The following DACH1 variants were observed in gnomAD, a reference collection of about 807,000 sequenced individuals.
DACH1 encodes dachshund family transcription factor 1.
Under a neutral mutation model 54.2 loss-of-function variants are expected in DACH1, and 12 were observed. That is an observed-to-expected ratio of 0.22 (90% CI 0.14 to 0.36). The LOEUF is 0.36. DACH1 is among the 10% of genes least tolerant of loss of function. The probability of loss-of-function intolerance (pLI) is 1.00; values close to 1 mark genes in which losing one functional copy is unlikely to be tolerated. For missense variants in DACH1, 805 were observed against 929.8 expected (o/e 0.87, Z 1.75); for synonymous variants, 386 against 366.2 (o/e 1.05, Z -0.62).
chr13:71,866,920 G>T lies in DACH1; in HGVS notation c.-151C>A. The T allele has an allele frequency of 1.8e-6, 1 of 551,590 alleles. No individual in the cohort carries two copies. The highest frequency in any genetic ancestry group is 2.7e-6 in the Non-Finnish European group (1 of 371,174). The allele number at this position is 551,590 out of a possible 1,614,324, so 34.2% of individuals were successfully genotyped here. On this transcript the variant is annotated 5_prime_UTR_variant, in exon 1 of 11. Coordinates refer to ENST00000613252, the MANE Select transcript of DACH1 (RefSeq NM_080759.6). ...ACGAGAAGGAGAAAGGGAGAGAAGG[G>T]GGAGAAAAGGAGGTGAAGGTAATAA...
chr13:71,730,368 C>T (rs952828173), intron 1 of DACH1, among the ~76,000 whole-genome samples: 1 of 151,952 alleles, frequency 6.6e-6, no homozygotes, highest in Non-Finnish European at 1.5e-5. Context: ...ATTTCTTTTT[C>T]CTAGATTAAA....
chr13:71,515,061 C>T (rs1881058531), intron 6 of DACH1, among the ~76,000 whole-genome samples: 1 of 151,774 alleles, frequency 6.6e-6, no homozygotes, highest in South Asian at 2.1e-4. Context: ...CACACTTTGC[C>T]TACCTTTCCT....
chr13:71,602,221 T>C (rs533707448), intron 3 of DACH1, among the ~76,000 whole-genome samples: 1 of 152,186 alleles, frequency 6.6e-6, no homozygotes, highest in East Asian at 1.9e-4. Context: ...AAATTTTATT[T>C]TGTGTATCCA....
rs909990004 is a variant in DACH1 at position 71,438,271 on chromosome 13, G to C, written c.*2384C>G. ...AGGGCTTGCATAGAGCGCAAATGTG[G>C]TTATAATATAGAACAACTAGACATT... On this transcript the variant is annotated 3_prime_UTR_variant, in exon 11 of 11. Coordinates refer to ENST00000613252, the MANE Select transcript of DACH1 (RefSeq NM_080759.6). The C allele has an allele frequency of 6.6e-6, 1 of 152,276 alleles. No individual in the cohort carries two copies. Among genetic ancestry groups the C allele is most frequent in the East Asian group, 1.9e-4 (1 of 5,192 alleles). 9.4% of individuals were successfully genotyped at this position (152,276 alleles called of 1,614,324 possible).
At chr13:71,562,903 G>C (rs1884677982) in intron 4 of DACH1, among the ~76,000 whole-genome samples, 1 of 152,018 alleles carries the variant, frequency 6.6e-6, no homozygotes, top group Non-Finnish European at 1.5e-5. Context: ...GTATGGTTTT[G>C]GAGTATTTGC....
In DACH1 at chr13:71,709,346, A is replaced by C. The variant is rs532871489; in HGVS notation, c.849-27436T>G. On this transcript the variant is annotated intron_variant, in intron 1 of 10. Coordinates refer to ENST00000613252, the MANE Select transcript of DACH1 (RefSeq NM_080759.6). ...ATTACCCCTGCCAACCACAGTCCAA[A>C]AACATTAAATAGAAACTTCCAGAAA... 4.5e-4 allele frequency among the ~76,000 whole-genome samples: 68 copies of C among 152,178 alleles called. 2 individuals carry two copies. The South Asian group carries it at 0.011, about 25-fold the overall frequency.
At chr13:71,528,425 CTTTTTTTT>C (rs71198120) in intron 6 of DACH1, among the ~76,000 whole-genome samples, 2 of 111,126 alleles carry the variant, frequency 1.8e-5, no homozygotes, top group African/African-American at 6.9e-5. Flanking sequence ...AACAGATTTT[CTTTTTTTT>C]TTTTTTTTTT....
At chr13:71,689,243 C>T (rs756148818) in intron 1 of DACH1, among the ~76,000 whole-genome samples, 32 of 152,104 alleles carry the variant, frequency 2.1e-4, no homozygotes, top group Non-Finnish European at 3.7e-4. Context: ...CATATTCCAC[C>T]GGATGCCAGA....
chr13:71,672,398 C>T (rs941513822), intron 2 of DACH1, among the ~76,000 whole-genome samples: 6 of 152,118 alleles, frequency 3.9e-5, no homozygotes, highest in African/African-American at 1.4e-4. Context: ...AATGTTGTTC[C>T]TGCCAACCCT....
At chr13:71,796,414 A>G (rs538513971) in intron 1 of DACH1, among the ~76,000 whole-genome samples, 1 of 152,246 alleles carries the variant, frequency 6.6e-6, no homozygotes, top group South Asian at 2.1e-4. Flanking sequence ...ATAGTATATT[A>G]TACTATCACT....
intron 10 of DACH1, among the ~76,000 whole-genome samples, chr13:71,453,557 T>G (rs1274163264): frequency 6.6e-6 from 1 of 152,186 alleles, no homozygotes; most frequent in Non-Finnish European, 1.5e-5. Flanking sequence ...CAAAGCCTAG[T>G]TATTTTCTTC....
At chr13:71,772,475 C>A (rs1027252645) in intron 1 of DACH1, among the ~76,000 whole-genome samples, 1 of 151,622 alleles carries the variant, frequency 6.6e-6, no homozygotes, top group Non-Finnish European at 1.5e-5. Flanking sequence ...AAGTCATTAA[C>A]CATTCTCTCA....
rs1015308822 is a variant in DACH1, at chr13:71,594,873, A to G, written c.1127-21861T>C. Among the ~76,000 whole-genome samples, 3 of 152,238 alleles carry G rather than the reference A, an allele frequency of 2.0e-5. No homozygotes were observed. The South Asian group carries it at 6.2e-4, about 32-fold the overall frequency. On this transcript the variant is annotated intron_variant, in intron 3 of 10. Transcript: ENST00000613252. ...CACTGTTCTAGTTACTAGGATTAGCAATGAGCAAAGTGGACAACAAAGTCC... is the reference window on the plus strand; with the variant it reads ...CACTGTTCTAGTTACTAGGATTAGCGATGAGCAAAGTGGACAACAAAGTCC...
At chr13:71,805,933 G>A (rs768656382) in intron 1 of DACH1, among the ~76,000 whole-genome samples, 27 of 152,018 alleles carry the variant, frequency 1.8e-4, no homozygotes, top group Non-Finnish European at 1.9e-4. Context: ...TCAGCCTCCC[G>A]AGTAGCTGGG....
intron 3 of DACH1, among the ~76,000 whole-genome samples, chr13:71,621,255 C>T (rs552954008): frequency 6.6e-6 from 1 of 152,058 alleles, no homozygotes; most frequent in Admixed American, 6.6e-5. Flanking sequence ...AATGGTGATT[C>T]AATCCTGCAT....
intron 1 of DACH1, among the ~76,000 whole-genome samples, chr13:71,743,517 C>G (rs1254149872): frequency 6.6e-6 from 1 of 152,170 alleles, no homozygotes; most frequent in Admixed American, 6.5e-5. Flanking sequence ...GTAGATACAT[C>G]CTTCCTCAGA....
chr13:71,856,623 G>GT (rs1350893576), intron 1 of DACH1, among the ~76,000 whole-genome samples: 9 of 151,954 alleles, frequency 5.9e-5, no homozygotes, highest in Non-Finnish European at 1.0e-4. Context: ...TTTGTACAAA[G>GT]TTTTTTTAAT....
intron 1 of DACH1, among the ~76,000 whole-genome samples, chr13:71,694,523 C>A (rs1881717521): frequency 6.6e-6 from 1 of 152,094 alleles, no homozygotes; most frequent in Admixed American, 6.6e-5. Context: ...TTATTTAATT[C>A]TTGATGAAGC....
At chr13:71,698,713 G>T (rs1173981754) in intron 1 of DACH1, among the ~76,000 whole-genome samples, 1 of 151,958 alleles carries the variant, frequency 6.6e-6, no homozygotes, top group African/African-American at 2.4e-5. Flanking sequence ...GTTACAACAG[G>T]TTAGACAACA....
Sources: gnomAD v4.1 joint callset for allele counts (sites outside exome capture counted in the v4.1 genomes callset) on GRCh38, gnomAD v4.1.1 for gene constraint, MANE v1.5 for transcripts, NCBI Gene and HGNC (gene_info 2026-07-23, HGNC 2026-07-21) for gene names.